C6: variants seen among roughly 807,000 people sequenced by gnomAD.
C6 encodes complement component C6.
C6 carries 101 observed loss-of-function variants against 112.9 expected under a neutral mutation model. That is an observed-to-expected ratio of 0.89 (90% CI 0.76 to 1.06). C6 has a LOEUF of 1.06. C6 is among the 50% of genes least tolerant of loss of function. The probability of loss-of-function intolerance (pLI) is 0.00; values close to 1 mark genes in which losing one functional copy is unlikely to be tolerated. For missense variants in C6, 1,202 were observed against 1,104.6 expected (o/e 1.09, Z -1.25); for synonymous variants, 431 against 384.1 (o/e 1.12, Z -1.43).
intron 1 of C6, among the ~76,000 whole-genome samples, chr5:41,210,440 A>G (rs1397321002): frequency 1.3e-5 from 2 of 152,190 alleles, no homozygotes; most frequent in Non-Finnish European, 2.9e-5. Context: ...AACCTACAGA[A>G]TGGGAGAAAA....
In C6 at chr5:41,181,356, T is replaced by C; in HGVS notation, c.927+3A>G. 6 of 1,613,230 alleles carry C rather than the reference T, an allele frequency of 3.7e-6. No homozygotes were observed. The highest frequency in any genetic ancestry group is 5.1e-6 in the Non-Finnish European group (6 of 1,179,346). On this transcript the variant is annotated splice_donor_region_variant and intron_variant, in intron 7 of 17. Coordinates refer to ENST00000337836, the MANE Select transcript of C6 (RefSeq NM_000065.5). ...ATAAAAGGTTGGAAACCATTTTTGA[T>C]ACCTTTTTGTGAGAGGCTTGAATGG...
At chr5:41,187,141 T>C (rs1206334580) in intron 5 of C6, among the ~76,000 whole-genome samples, 1 of 152,214 alleles carries the variant, frequency 6.6e-6, no homozygotes, top group Non-Finnish European at 1.5e-5. Flanking sequence ...ACATGTAGTG[T>C]AGTTCTACAG....
chr5:41,170,782 T>C (rs1030530556), intron 9 of C6, among the ~76,000 whole-genome samples: 1 of 152,198 alleles, frequency 6.6e-6, no homozygotes, highest in Non-Finnish European at 1.5e-5. Flanking sequence ...TTTGGGAATG[T>C]CTGTGATTCT....
chr5:41,252,054 T>C (rs1741395736), intron 1 of C6, among the ~76,000 whole-genome samples: 1 of 152,210 alleles, frequency 6.6e-6, no homozygotes, highest in Non-Finnish European at 1.5e-5. Flanking sequence ...CACATGTGTG[T>C]ACACAGATTT....
intron 17 of C6, among the ~76,000 whole-genome samples, chr5:41,148,065 A>T (rs545881161): frequency 8.5e-5 from 13 of 152,322 alleles, no homozygotes; most frequent in Admixed American, 7.9e-4. Flanking sequence ...AATAAAAAAA[A>T]TTTAAAAATA....
chr5:41,211,700 C>T (rs1004434238), intron 1 of C6, among the ~76,000 whole-genome samples: 8 of 152,024 alleles, frequency 5.3e-5, no homozygotes, highest in Non-Finnish European at 1.2e-4. Flanking sequence ...ACCTTTTCAG[C>T]AAGAAAAACT....
chr5:41,161,833 A>C lies in C6; in HGVS notation c.1318T>G (p.Ser440Ala), dbSNP rs368185869. 60 of 1,613,644 alleles carry C rather than the reference A, an allele frequency of 3.7e-5. 1 individual carries two copies. The South Asian group carries it at 5.7e-4, about 15-fold the overall frequency. ...EGSFIQGAEKSISLIRGGRSE... is the reference protein window; with the variant it reads ...EGSFIQGAEKAISLIRGGRSE... ...CTTCCACCTCGAATCAGGGATATGGATTTCTCTGCTCCCTGTATAAATGAA... is the reference window on the plus strand; with the variant it reads ...CTTCCACCTCGAATCAGGGATATGGCTTTCTCTGCTCCCTGTATAAATGAA... Residue 440 changes from serine (S) to alanine (A), a missense_variant, in exon 10 of 18, where the codon TCC becomes GCC. By Grantham distance (99) the Ser-to-Ala change is moderately conservative (BLOSUM62 1). Coordinates refer to ENST00000337836, the MANE Select transcript of C6 (RefSeq NM_000065.5).
At chr5:41,163,708 A>C (rs1202056126) in intron 9 of C6, among the ~76,000 whole-genome samples, 1 of 152,194 alleles carries the variant, frequency 6.6e-6, no homozygotes, top group Non-Finnish European at 1.5e-5. Context: ...TCCATTTTTT[A>C]CATTTGCATA....
chr5:41,153,353 C>G (rs979024034), intron 15 of C6, among the ~76,000 whole-genome samples: 1 of 152,012 alleles, frequency 6.6e-6, no homozygotes, highest in African/African-American at 2.4e-5. Context: ...ATGCATATGC[C>G]CTTATGAGGA....
At chr5:41,247,139 T>G (rs915034487) in intron 1 of C6, among the ~76,000 whole-genome samples, 5 of 152,118 alleles carry the variant, frequency 3.3e-5, no homozygotes, top group Non-Finnish European at 7.4e-5. Context: ...ATGTTTATGC[T>G]GATTCTACCT....
In C6 at chr5:41,252,103, T is replaced by G. The variant is rs78520419; in HGVS notation, c.-21+9091A>C. Among the ~76,000 whole-genome samples, 1,493 of 152,320 alleles carry G rather than the reference T, an allele frequency of 9.8e-3. 32 individuals carry two copies. The highest frequency in any genetic ancestry group is 0.034 in the African/African-American group (1,418 of 41,556). ...GCAAATTCAGATACCTAAGACCATTTAAAGGTGGTTTGCAAATATTCTGTG... is the reference window on the plus strand; with the variant it reads ...GCAAATTCAGATACCTAAGACCATTGAAAGGTGGTTTGCAAATATTCTGTG... On this transcript the variant is annotated intron_variant, in intron 1 of 17. Coordinates refer to the C6 transcript ENST00000263413.
At position 41,170,060 on chromosome 5, in the gene C6, G is replaced by A. The variant is rs544977917; in HGVS notation, c.1291+2165C>T. On this transcript the variant is annotated intron_variant, in intron 9 of 17. Coordinates refer to ENST00000337836, the MANE Select transcript of C6 (RefSeq NM_000065.5). ...TTGCATATTTGAACAATATTTCCCT[G>A]TATATAATCAAGAAAAAATTCTTCC... is the stretch of plus-strand genomic sequence containing the variant. 2.6e-5 allele frequency among the ~76,000 whole-genome samples: 4 copies of A among 152,038 alleles called. No individual in the cohort carries two copies. The South Asian group carries it at 8.3e-4, about 32-fold the overall frequency.
chr5:41,163,457 C>T (rs2150278582), intron 9 of C6, among the ~76,000 whole-genome samples: 1 of 152,110 alleles, frequency 6.6e-6, no homozygotes, highest in Admixed American at 6.6e-5. Flanking sequence ...GGATTACAGG[C>T]ATGCGTCACC....
intron 17 of C6, among the ~76,000 whole-genome samples, chr5:41,144,946 T>G (rs1279445273): frequency 6.6e-6 from 1 of 152,356 alleles, no homozygotes; most frequent in African/African-American, 2.4e-5. Context: ...TAGCATTCCA[T>G]GGTATATTTG....
At chr5:41,229,439 A>G (rs1296498060) in intron 1 of C6, among the ~76,000 whole-genome samples, 2 of 151,506 alleles carry the variant, frequency 1.3e-5, no homozygotes, top group Admixed American at 6.6e-5. Flanking sequence ...TTGACCTGTC[A>G]GTTGTTCAGA....
At position 41,161,692 on chromosome 5, in the gene C6, C is replaced by T; in HGVS notation, c.1458+1G>A. On this transcript the variant is annotated splice_donor_variant, in intron 10 of 17. Coordinates refer to ENST00000337836, the MANE Select transcript of C6 (RefSeq NM_000065.5). LOFTEE classifies it high-confidence loss of function. The stretch of plus-strand genomic sequence containing the variant: ...TTACCTGGAATAATTTTTACTCTTA[C>T]CTCAAAGTCAATCACAGCAGGATTT... 1 of 1,612,814 alleles carries T rather than the reference C, an allele frequency of 6.2e-7. No homozygotes were observed.
chr5:41,218,203 AAAT>A (rs1479639031), upstream of C6, among the ~76,000 whole-genome samples: 1 of 152,302 alleles, frequency 6.6e-6, no homozygotes, highest in African/African-American at 2.4e-5. Flanking sequence ...GAAGTACTAA[AAAT>A]TATAAGAAAT....
rs70988836 is a variant in C6 at position 41,178,466 on chromosome 5, CTTTTTTT to C, written c.928-1758_928-1752del. Among the ~76,000 whole-genome samples the C allele has an allele frequency of 1.1e-3, 108 of 101,588 alleles. 4 individuals are homozygous for C. The highest frequency in any genetic ancestry group is 3.4e-4 in the Non-Finnish European group (18 of 52,452). The allele number at this position is 101,588 out of a possible 152,430, so 66.6% of individuals were successfully genotyped here. A position where few individuals can be genotyped will look rare whatever the true frequency, so the allele number is the denominator to read the frequency against. On this transcript the variant is annotated intron_variant, in intron 7 of 17. Transcript: ENST00000337836. ...TATTTTCTTTTTTCTTTTTCTTTTT[CTTTTTTT>C]TTTTTTTTTTTTTGTGAGATGGAGA...
chr5:41,151,636 T>C (rs1012735738), intron 15 of C6, among the ~76,000 whole-genome samples: 8 of 152,136 alleles, frequency 5.3e-5, no homozygotes, highest in African/African-American at 1.7e-4. Context: ...GCTATGCATG[T>C]GGATGAGATT....
Sources: gnomAD v4.1 joint callset for allele counts (sites outside exome capture counted in the v4.1 genomes callset) on GRCh38, gnomAD v4.1.1 for gene constraint, MANE v1.5 for transcripts, NCBI Gene and HGNC (gene_info 2026-07-23, HGNC 2026-07-21) for gene names.